Variants in RNF130 observed in about 807,000 individuals in gnomAD.
RNF130 encodes E3 ubiquitin-protein ligase RNF130.
A neutral mutation model predicts 44.6 loss-of-function variants in RNF130; 21 were observed. The ratio of observed to expected loss-of-function variants is 0.47; its 90% CI spans 0.33 to 0.68. RNF130 has a LOEUF of 0.68. Among genes scored for constraint, RNF130 ranks in the 30% least tolerant of loss-of-function variants. The probability of loss-of-function intolerance (pLI) is 0.02; values close to 1 mark genes in which losing one functional copy is unlikely to be tolerated. For synonymous variants in RNF130, 214 were observed against 210.4 expected, an observed-to-expected ratio of 1.02 and a Z score of -0.15; for missense variants, 479 against 560.6, an observed-to-expected ratio of 0.85 and a Z score of 1.47.
At chr5:179,968,995 C>G (rs535810719) in intron 6 of RNF130, among the ~76,000 whole-genome samples, 1 of 152,336 alleles carries the variant, frequency 6.6e-6, no homozygotes, top group Admixed American at 6.5e-5. Flanking sequence ...TACTGCCCAA[C>G]TGTATACACT....
chr5:180,027,508 T>C (rs10045947), intron 2 of RNF130, among the ~76,000 whole-genome samples: 28,674 of 152,156 alleles, frequency 0.19, 2,841 homozygotes, highest in Non-Finnish European at 0.22. Context: ...AAGCTTCTGA[T>C]AGTGTGTGTG....
chr5:179,941,945 A>G (rs1761974159), intron 7 of RNF130, among the ~76,000 whole-genome samples: 1 of 152,292 alleles, frequency 6.6e-6, no homozygotes, highest in Non-Finnish European at 1.5e-5. Flanking sequence ...TCTGTAAAAC[A>G]TAAGAATCTC....
At chr5:179,928,419 T>A (rs147663879) in intron 7 of RNF130, among the ~76,000 whole-genome samples, 102 of 152,258 alleles carry the variant, frequency 6.7e-4, no homozygotes, top group Middle Eastern at 3.4e-3. Flanking sequence ...TGTTTTAACG[T>A]CCATTCCCCA....
downstream of RNF130, among the ~76,000 whole-genome samples, chr5:179,953,834 G>A (rs1762161800): frequency 6.6e-6 from 1 of 152,178 alleles, no homozygotes; most frequent in Non-Finnish European, 1.5e-5. Context: ...TTTAGAGAAT[G>A]TGAGAAAATA....
intron 1 of RNF130, among the ~76,000 whole-genome samples, chr5:180,068,200 G>A (rs1276167355): frequency 6.6e-6 from 1 of 152,204 alleles, no homozygotes; most frequent in Non-Finnish European, 1.5e-5. Context: ...CAAAAAGTTA[G>A]TGTGCACACA....
At chr5:179,929,898 T>C (rs1279633892) in intron 7 of RNF130, among the ~76,000 whole-genome samples, 1 of 152,186 alleles carries the variant, frequency 6.6e-6, no homozygotes, top group Non-Finnish European at 1.5e-5. Context: ...TTTCAGCCTG[T>C]TATATTCACT....
intron 8 of RNF130, among the ~76,000 whole-genome samples, chr5:179,960,771 T>C (rs1561670020): frequency 1.3e-5 from 2 of 151,926 alleles, no homozygotes; most frequent in African/African-American, 2.4e-5. Flanking sequence ...TGCCAAGAGA[T>C]GAAATCTATT....
intron 8 of RNF130, among the ~76,000 whole-genome samples, chr5:179,957,951 C>G (rs2113694949): frequency 6.6e-6 from 1 of 151,096 alleles, no homozygotes; most frequent in African/African-American, 2.4e-5. Context: ...GATCTCGGCT[C>G]ACTGCAAGCT....
At chr5:179,958,081 T>G (rs1053218987) in intron 8 of RNF130, among the ~76,000 whole-genome samples, 5 of 151,974 alleles carry the variant, frequency 3.3e-5, no homozygotes, top group African/African-American at 9.7e-5. Flanking sequence ...GTTTCACTGT[T>G]TTAGCCGGGA....
chr5:180,058,337 T>C (rs1764886725), intron 1 of RNF130, among the ~76,000 whole-genome samples: 1 of 152,204 alleles, frequency 6.6e-6, no homozygotes, highest in Non-Finnish European at 1.5e-5. Context: ...TGCTAATTTT[T>C]AAAAATCTGG....
chr5:180,013,289 G>T lies in RNF130; in HGVS notation c.465C>A (p.Val155=). 6.2e-7 allele frequency: 1 copy of T among 1,612,100 alleles called. No individual in the cohort carries two copies. The part of the protein sequence containing the change: ...THPGTGDIIA[V]MITELRGKDI... Reference sequence around the variant, plus strand: ...CCTTACCCCTCAATTCTGTTATCATGACAGCAATAATATCTCCAGTGCCTG... The same window carrying T: ...CCTTACCCCTCAATTCTGTTATCATTACAGCAATAATATCTCCAGTGCCTG... Residue 155 remains valine (V), a synonymous_variant, in exon 3 of 9, where the codon GTC becomes GTA. Transcript: ENST00000521389.
At chr5:180,052,493 C>T (rs1764710136) in intron 1 of RNF130, among the ~76,000 whole-genome samples, 1 of 152,226 alleles carries the variant, frequency 6.6e-6, no homozygotes, top group Non-Finnish European at 1.5e-5. Context: ...GAAGGCACTA[C>T]TAACTCTTGG....
At chr5:179,957,946 C>T (rs1415052600) in intron 8 of RNF130, among the ~76,000 whole-genome samples, 2 of 150,692 alleles carry the variant, frequency 1.3e-5, no homozygotes, top group African/African-American at 2.4e-5. Context: ...GGCGGGATCT[C>T]GGCTCACTGC....
intron 2 of RNF130, among the ~76,000 whole-genome samples, chr5:180,030,745 GTA>G (rs1764114909): frequency 6.6e-6 from 1 of 152,160 alleles, no homozygotes; most frequent in Non-Finnish European, 1.5e-5. Flanking sequence ...TTCTGTCTCT[GTA>G]TGTTTGACTT....
At chr5:179,997,018 T>C (rs1475105572) in intron 3 of RNF130, among the ~76,000 whole-genome samples, 1 of 152,248 alleles carries the variant, frequency 6.6e-6, no homozygotes, top group Non-Finnish European at 1.5e-5. Context: ...TTGATCAGGT[T>C]TTCTATTTCC....
intron 7 of RNF130, among the ~76,000 whole-genome samples, chr5:179,945,938 G>A (rs1284073248): frequency 1.3e-5 from 2 of 151,874 alleles, no homozygotes; most frequent in Non-Finnish European, 2.9e-5. Context: ...TTTAAATGGG[G>A]GCGGGGGCGA....
intron 5 of RNF130, 32 bp from the exon 6 acceptor site, chr5:179,970,538 T>C (rs1285556785): frequency 6.5e-7 from 1 of 1,528,904 alleles, no homozygotes; most frequent in Admixed American, 1.9e-5. Flanking sequence ...TGTCACAAGT[T>C]ACATACCAAG....
At chr5:179,969,081 C>T (rs1227714816) in intron 6 of RNF130, among the ~76,000 whole-genome samples, 1 of 152,224 alleles carries the variant, frequency 6.6e-6, no homozygotes, top group Non-Finnish European at 1.5e-5. Flanking sequence ...ATGAGTTCAT[C>T]TGTTGGATCA....
At chr5:180,039,978 A>G (rs1253425281) in intron 2 of RNF130, among the ~76,000 whole-genome samples, 1 of 152,230 alleles carries the variant, frequency 6.6e-6, no homozygotes, top group Non-Finnish European at 1.5e-5. Flanking sequence ...AACTGCAACT[A>G]TTGTTATTAA....
Sources: gnomAD v4.1 joint callset for allele counts (sites outside exome capture counted in the v4.1 genomes callset) on GRCh38, gnomAD v4.1.1 for gene constraint, MANE v1.5 for transcripts, NCBI Gene and HGNC (gene_info 2026-07-23, HGNC 2026-07-21) for gene names.